OPRM1: variants seen among roughly 807,000 people sequenced by gnomAD.
OPRM1 encodes the protein mu-type opioid receptor.
A neutral mutation model predicts 31.8 loss-of-function variants in OPRM1; 27 were observed. That is an observed-to-expected ratio of 0.85 (90% confidence interval 0.63 to 1.17). The LOEUF (loss-of-function observed/expected upper bound fraction) is 1.17. Ranked by LOEUF, OPRM1 falls within the 50% of genes most tolerant of loss-of-function variation. The pLI, the probability that OPRM1 is intolerant of heterozygous loss-of-function variation, is 0.00. For synonymous variants in OPRM1, 196 were observed against 189.9 expected, an observed-to-expected ratio of 1.03 and a Z score of -0.26; for missense variants, 536 against 511.1, an observed-to-expected ratio of 1.05 and a Z score of -0.47.
At chr6:154,172,417 G>A (rs887188096) in intron 3 of OPRM1, among the ~76,000 whole-genome samples, 1 of 152,128 alleles carries the variant, frequency 6.6e-6, no homozygotes, top group East Asian at 1.9e-4. Context: ...GTACCTGGAG[G>A]AATGATACAC....
intron 3 of OPRM1, among the ~76,000 whole-genome samples, chr6:154,161,830 G>A (rs72999438): frequency 0.023 from 3,513 of 152,210 alleles, 59 homozygotes; most frequent in Non-Finnish European, 0.036. Flanking sequence ...CTATCCCCAG[G>A]ACAGCATGTG....
Position 154,195,473 on chromosome 6 carries a change from A to T in OPRM1, c.1165-51220A>T, listed in dbSNP as rs148689235. The stretch of plus-strand genomic sequence containing the variant: ...AGCTACAATAATTTTTCTAAAGCAT[A>T]CTTCCAACTCACCCTGATGAGAAAT... On this transcript the variant is annotated intron_variant, in intron 3 of 3. Transcript: ENST00000337049. 5.5e-3 allele frequency among the ~76,000 whole-genome samples: 833 copies of T among 152,076 alleles called. 7 individuals are homozygous for T. The highest frequency in any genetic ancestry group is 0.018 in the African/African-American group (764 of 41,478).
chr6:154,060,833 T>C (rs1181493057), intron 1 of OPRM1, among the ~76,000 whole-genome samples: 4 of 152,182 alleles, frequency 2.6e-5, no homozygotes, highest in African/African-American at 9.7e-5. Flanking sequence ...CTTAGAGATG[T>C]ATCCCACAAG....
rs148964025 is a variant in OPRM1 at position 154,062,829 on chromosome 6, A to G, written c.290+22995A>G. Among the ~76,000 whole-genome samples the G allele has an allele frequency of 3.2e-4, 48 of 152,204 alleles. 1 individual carries two copies. In the East Asian group the frequency reaches 8.3e-3, roughly 26 times the overall value. On this transcript the variant is annotated intron_variant, in intron 1 of 3. Coordinates refer to ENST00000330432, the MANE Select transcript of OPRM1 (RefSeq NM_000914.5). Reference sequence around the variant, plus strand: ...CAGACATCAGCAGGTACTAAGACACACTAAAATGGATAAACAGAAATGCTC... The same window carrying G: ...CAGACATCAGCAGGTACTAAGACACGCTAAAATGGATAAACAGAAATGCTC...
At chr6:154,042,568 C>G (rs112670363) in intron 1 of OPRM1, among the ~76,000 whole-genome samples, 237 of 152,268 alleles carry the variant, frequency 1.6e-3, no homozygotes, top group African/African-American at 5.4e-3. Context: ...TAACTGCTAA[C>G]ATGGACGCTG....
At chr6:154,172,267 G>A (rs1383833692) in intron 3 of OPRM1, among the ~76,000 whole-genome samples, 5 of 152,168 alleles carry the variant, frequency 3.3e-5, no homozygotes, top group Admixed American at 3.3e-4. Flanking sequence ...GAAGTACCTG[G>A]TTCATCTCAT....
rs1413279264 is a variant in OPRM1, at chr6:154,099,859, A to G, written c.1164+8387A>G. 2.7e-5 allele frequency among the ~76,000 whole-genome samples: 4 copies of G among 146,016 alleles called. No individual in the cohort carries two copies. The Admixed American group carries it at 2.8e-4, about 10-fold the overall frequency. On this transcript the variant is annotated intron_variant, in intron 3 of 3. Coordinates refer to ENST00000330432, the MANE Select transcript of OPRM1 (RefSeq NM_000914.5). ...ATCAGGATATATCATAATATATTAT[A>G]TATTATCATATGATATATATCATAA... is the stretch of plus-strand genomic sequence containing the variant.
At chr6:154,076,269 A>C (rs1787870861) in intron 1 of OPRM1, among the ~76,000 whole-genome samples, 1 of 152,218 alleles carries the variant, frequency 6.6e-6, no homozygotes, top group African/African-American at 2.4e-5. Flanking sequence ...ACAGGTAGTC[A>C]AAATGTAATA....
intron 3 of OPRM1, among the ~76,000 whole-genome samples, chr6:154,166,361 C>T (rs754389463): frequency 1.4e-4 from 22 of 152,214 alleles, no homozygotes; most frequent in Non-Finnish European, 2.9e-4. Context: ...AGGCCTGAGG[C>T]CACAGCCTTT....
At chr6:154,062,599 T>A (rs1784633197) in intron 1 of OPRM1, among the ~76,000 whole-genome samples, 1 of 152,080 alleles carries the variant, frequency 6.6e-6, no homozygotes, top group Non-Finnish European at 1.5e-5. Flanking sequence ...TCTTTCTGTT[T>A]CCTAGAAAAA....
intron 3 of OPRM1, among the ~76,000 whole-genome samples, chr6:154,240,174 A>C (rs1024969740): frequency 3.9e-5 from 6 of 152,254 alleles, no homozygotes; most frequent in Non-Finnish European, 8.8e-5. Flanking sequence ...TAATTAGTTA[A>C]TTCATACAAC....
At position 154,130,599 on chromosome 6, in the gene OPRM1, A is replaced by G. The variant is rs1024792299; in HGVS notation, c.*11878A>G. Among the ~76,000 whole-genome samples the G allele has an allele frequency of 1.3e-5, 2 of 152,188 alleles. No homozygotes were observed. Among genetic ancestry groups the G allele is most frequent in the African/African-American group, 4.8e-5 (2 of 41,448 alleles). The stretch of plus-strand genomic sequence containing the variant: ...AATATTTGCCTATAAATCCCCATCA[A>G]TTTAATAGGAATTAAGTTAGAAATA... On this transcript the variant is annotated 3_prime_UTR_variant, in exon 4 of 4. Transcript: ENST00000330432.
At chr6:154,095,355 T>C (rs991610953) in intron 3 of OPRM1, among the ~76,000 whole-genome samples, 5 of 152,298 alleles carry the variant, frequency 3.3e-5, no homozygotes, top group Admixed American at 3.3e-4. Flanking sequence ...CAGATTCATG[T>C]CTGTTGAATA....
intron 3 of OPRM1, among the ~76,000 whole-genome samples, chr6:154,209,489 A>C (rs1777784139): frequency 6.6e-6 from 1 of 151,138 alleles, no homozygotes; most frequent in African/African-American, 2.4e-5. Flanking sequence ...TATCTCCACA[A>C]AAAAAAAATT....
downstream of OPRM1, among the ~76,000 whole-genome samples, chr6:154,132,657 G>A (rs897418074): frequency 1.3e-4 from 20 of 152,150 alleles, no homozygotes; most frequent in African/African-American, 4.6e-4. Flanking sequence ...AATATAGGCA[G>A]CTAAATCCAC....
chr6:154,209,796 G>A (rs188677391), intron 3 of OPRM1, among the ~76,000 whole-genome samples: 130 of 152,196 alleles, frequency 8.5e-4, no homozygotes, highest in African/African-American at 3.0e-3. Flanking sequence ...TATGTGATCA[G>A]GAGGAACACA....
chr6:154,152,388 G>GAAAGAAAGAA (rs1401388362), intron 3 of OPRM1, among the ~76,000 whole-genome samples: 3 of 151,188 alleles, frequency 2.0e-5, no homozygotes, highest in Non-Finnish European at 2.9e-5. Context: ...AAGAAAGAAA[G>GAAAGAAAGAA]AAAGAGAAAT....
intron 3 of OPRM1, among the ~76,000 whole-genome samples, chr6:154,114,986 C>G (rs1211978055): frequency 6.6e-6 from 1 of 152,088 alleles, no homozygotes; most frequent in Non-Finnish European, 1.5e-5. Flanking sequence ...AAAAAAATCT[C>G]TCTTGTACAT....
In OPRM1 at chr6:154,051,837, G is replaced by C. The variant is rs186007079; in HGVS notation, c.290+12003G>C. On this transcript the variant is annotated intron_variant, in intron 1 of 3. Transcript: ENST00000330432. ...CAATTCCATTACTGGGTATATACCA[G>C]AAGGAATATAAATCATTCTACTATA... Among the ~76,000 whole-genome samples, 61 of 152,208 alleles carry C rather than the reference G, an allele frequency of 4.0e-4. No homozygotes were observed. In the Middle Eastern group the frequency reaches 0.014, roughly 34 times the overall value.
Sources: gnomAD v4.1 joint callset for allele counts (sites outside exome capture counted in the v4.1 genomes callset) on GRCh38, gnomAD v4.1.1 for gene constraint, MANE v1.5 for transcripts, NCBI Gene and HGNC (gene_info 2026-07-23, HGNC 2026-07-21) for gene names.